NLRC5: variants seen among roughly 807,000 people sequenced by gnomAD.
NLRC5 encodes the protein protein NLRC5.
Under a neutral mutation model 206.9 loss-of-function variants are expected in NLRC5, and 114 were observed. The observed-to-expected ratio is 0.55, with a 90% CI of 0.47 to 0.64. The LOEUF (loss-of-function observed/expected upper bound fraction) is 0.64. NLRC5 is among the 30% of genes least tolerant of loss of function. The pLI, the probability that NLRC5 is intolerant of heterozygous loss-of-function variation, is 0.00. For synonymous variants in NLRC5, 952 were observed against 962.8 expected (o/e 0.99, Z 0.21); for missense variants, 2,008 against 2,305.5 (o/e 0.87, Z 2.64).
At chr16:57,067,905 G>T in intron 36 of NLRC5, 77 bp downstream of exon 36, 1 of 1,155,636 alleles carries the variant, frequency 8.7e-7, no homozygotes, top group South Asian at 1.2e-5. Flanking sequence ...TCCCAGCCCT[G>T]GGCTCAGAGG....
chr16:57,075,132 C>T (rs2068236577), intron 39 of NLRC5, among the ~76,000 whole-genome samples: 1 of 147,960 alleles, frequency 6.8e-6, no homozygotes, highest in Admixed American at 7.0e-5. Flanking sequence ...CCTCAAACTC[C>T]TGGGCGAACG....
rs147825465 is a variant in NLRC5 at position 57,026,686 on chromosome 16, G to T, written c.1743G>T (p.Ala581=). ...GCCGCCCCTTCCTTAGCCACCTGGC[G>T]CAGGGCAATGAGGACTGTGTGGGTG... is the stretch of plus-strand genomic sequence containing the variant. ...CTCRPFLSHL[A]QGNEDCVGAK... is the part of the protein sequence containing the mutation. The change falls in exon 6 of 49, where the codon GCG becomes GCT. Residue 581 remains alanine (A), a synonymous_variant. Coordinates refer to ENST00000688547, the MANE Select transcript of NLRC5 (RefSeq NM_001384950.1). 6 of 1,613,928 alleles carry T rather than the reference G, an allele frequency of 3.7e-6. No homozygotes were observed. The highest frequency in any genetic ancestry group is 3.3e-5 in the Admixed American group (2 of 60,010).
intron 3 of NLRC5, chr16:57,021,256 C>A: frequency 4.3e-5 from 18 of 422,958 alleles, no homozygotes; most frequent in Non-Finnish European, 5.5e-5. Context: ...CTTCCAGCCA[C>A]AAAATCCCAC....
At chr16:57,027,698 G>A (rs2143002627) in intron 6 of NLRC5, among the ~76,000 whole-genome samples, 1 of 152,290 alleles carries the variant, frequency 6.6e-6, no homozygotes, top group Middle Eastern at 3.4e-3. Flanking sequence ...CTACGTCATG[G>A]GTATATCTGT....
intron 1 of NLRC5, among the ~76,000 whole-genome samples, chr16:56,991,507 G>A (rs1225617223): frequency 2.7e-5 from 4 of 149,646 alleles, no homozygotes; most frequent in African/African-American, 9.9e-5. Flanking sequence ...TCAGCCTCCC[G>A]AGTAGCTGGG....
intron 2 of NLRC5, 81 bp from the exon 3 acceptor site, chr16:57,020,620 C>A: frequency 2.2e-6 from 1 of 461,638 alleles, no homozygotes; most frequent in East Asian, 7.2e-5. Flanking sequence ...CTCAACTCCC[C>A]CCAAGTTCCC....
chr16:57,027,447 C>G (rs758633881), intron 6 of NLRC5, among the ~76,000 whole-genome samples: 4 of 152,226 alleles, frequency 2.6e-5, no homozygotes, highest in African/African-American at 4.8e-5. Flanking sequence ...GTGCCTAGCA[C>G]AGAGCAAAGG....
intron 37 of NLRC5, among the ~76,000 whole-genome samples, 197 bp from the exon 38 acceptor site, chr16:57,070,338 C>T (rs914399931): frequency 6.6e-6 from 1 of 152,134 alleles, no homozygotes; most frequent in Non-Finnish European, 1.5e-5. Flanking sequence ...CCAGCTGTGA[C>T]TATCATGCCT....
chr16:57,058,325 G>C (rs1462573341), intron 28 of NLRC5, 177 bp downstream of exon 28: 4 of 597,388 alleles, frequency 6.7e-6, no homozygotes, highest in Non-Finnish European at 1.2e-5. Context: ...CCTTTCCTCT[G>C]TCCCTCACAC....
chr16:57,041,787 C>T (rs2063316345), intron 18 of NLRC5, among the ~76,000 whole-genome samples, 195 bp from the exon 19 acceptor site: 1 of 152,138 alleles, frequency 6.6e-6, no homozygotes, highest in Non-Finnish European at 1.5e-5. Flanking sequence ...CCTGGTCCCT[C>T]AGAGGTCCAC....
At chr16:57,009,162 G>A (rs1213041665) in intron 1 of NLRC5, among the ~76,000 whole-genome samples, 7 of 151,630 alleles carry the variant, frequency 4.6e-5, no homozygotes, top group Non-Finnish European at 7.4e-5. Flanking sequence ...GTGGTAGCAT[G>A]AGCCTGTAGT....
Position 57,078,921 on chromosome 16 carries a change from G to T in NLRC5, c.5082-129G>T, listed in dbSNP as rs548218175. The T allele has an allele frequency of 3.7e-6, 3 of 806,710 alleles. No individual in the cohort carries two copies. In the South Asian group the frequency reaches 5.0e-5, roughly 13 times the overall value. 50.0% of individuals were successfully genotyped at this position (806,710 alleles called of 1,614,324 possible). On this transcript the variant is annotated intron_variant, in intron 43 of 48. Coordinates refer to ENST00000688547, the MANE Select transcript of NLRC5 (RefSeq NM_001384950.1). ...GCCAGGGTCCTTGATACCTACCCAG[G>T]TCCTGTGTGGATGGGGAATTAGCCA...
chr16:56,998,564 G>A (rs527687906), intron 1 of NLRC5, among the ~76,000 whole-genome samples: 20 of 152,258 alleles, frequency 1.3e-4, no homozygotes, highest in South Asian at 2.1e-4. Flanking sequence ...CTGGCCTGGC[G>A]TCACCCAGCC....
Position 57,028,127 on chromosome 16 carries a change from C to T in NLRC5, c.2131C>T (p.Pro711Ser). The T allele has an allele frequency of 6.2e-7, 1 of 1,613,420 alleles. No individual in the cohort carries two copies. Among genetic ancestry groups the T allele is most frequent in the Non-Finnish European group, 8.5e-7 (1 of 1,179,628 alleles). Residue 711 changes from proline (P) to serine (S), a missense_variant, in exon 7 of 49, where the codon CCG becomes TCG. Coordinates refer to ENST00000688547, the MANE Select transcript of NLRC5 (RefSeq NM_001384950.1). ...AFAEALSRSL[P>S]TMGRLQMLGL... ...TGCAGAAGCCCTCTCCAGGAGCTTG[C>T]CGACAATGGGGAGGCTGCAGATGCT... is the stretch of plus-strand genomic sequence containing the variant.
intron 20 of NLRC5, among the ~76,000 whole-genome samples, chr16:57,045,068 G>C (rs1000596904): frequency 6.6e-6 from 1 of 151,968 alleles, no homozygotes; most frequent in Non-Finnish European, 1.5e-5. Context: ...AGACAGTCAT[G>C]GTGGGGCGTT....
In NLRC5 at chr16:57,074,644, C is replaced by T. The variant is rs1471795743; in HGVS notation, c.4712C>T (p.Thr1571Ile). 5 of 1,614,018 alleles carry T rather than the reference C, an allele frequency of 3.1e-6. No individual in the cohort carries two copies. The highest frequency in any genetic ancestry group is 4.2e-6 in the Non-Finnish European group (5 of 1,179,886). ...AACAGCTCCACCTTGGCCTTGCTTA[C>T]TCACAGACTAAGCCAGATGACCTGC... Reference protein sequence around the residue: ...LLNSSTLALLTHRLSQMTCLQ... With the variant: ...LLNSSTLALLIHRLSQMTCLQ... Residue 1571 changes from threonine to isoleucine, a missense_variant, in exon 39 of 49, where the codon ACT becomes ATT. Coordinates refer to ENST00000688547, the MANE Select transcript of NLRC5 (RefSeq NM_001384950.1).
intron 1 of NLRC5, among the ~76,000 whole-genome samples, chr16:57,016,433 G>A (rs536534250): frequency 1.9e-4 from 29 of 152,114 alleles, no homozygotes; most frequent in Non-Finnish European, 3.4e-4. Context: ...CAGAGCACAC[G>A]CTGATCTTCC....
Position 57,059,463 on chromosome 16 carries a change from G to A in NLRC5, c.3921-4G>A, listed in dbSNP as rs1434004786. The A allele has an allele frequency of 1.2e-6, 2 of 1,605,876 alleles. No homozygotes were observed. The highest frequency in any genetic ancestry group is 1.3e-5 in the African/African-American group (1 of 74,816). On this transcript the variant is annotated splice_polypyrimidine_tract_variant and splice_region_variant and intron_variant, in intron 29 of 48. Transcript: ENST00000688547. ...CGTGCTTCCCCAGGCCCTTCTCTCT[G>A]CAGCCTGGGCTCTGAGCAGAGCTTC...
intron 6 of NLRC5, among the ~76,000 whole-genome samples, chr16:57,027,474 G>A (rs1302715056): frequency 6.6e-6 from 1 of 152,254 alleles, no homozygotes; most frequent in Non-Finnish European, 1.5e-5. Flanking sequence ...GTGCATATTA[G>A]CTAGAGAAAA....
Sources: gnomAD v4.1 joint callset for allele counts (sites outside exome capture counted in the v4.1 genomes callset) on GRCh38, gnomAD v4.1.1 for gene constraint, MANE v1.5 for transcripts, NCBI Gene and HGNC (gene_info 2026-07-23, HGNC 2026-07-21) for gene names.